LRMDA: variants seen among roughly 807,000 people sequenced by gnomAD.
The protein encoded by LRMDA is leucine rich melanocyte differentiation associated.
A neutral mutation model predicts 29.8 loss-of-function variants in LRMDA; 18 were observed. That is an observed-to-expected ratio of 0.60 (90% CI 0.42 to 0.90). The LOEUF (loss-of-function observed/expected upper bound fraction) is 0.90, where lower values mean the gene tolerates loss of function less well. Among genes scored for constraint, LRMDA ranks in the 40% least tolerant of loss-of-function variants. The pLI is 0.00. For synonymous variants in LRMDA, 125 were observed against 109.4 expected (o/e 1.14, Z -0.89); for missense variants, 273 against 273.9 (o/e 1.00, Z 0.02).
chr10:75,734,358 C>G (rs1355260847), intron 2 of LRMDA, among the ~76,000 whole-genome samples: 3 of 152,066 alleles, frequency 2.0e-5, no homozygotes, highest in African/African-American at 7.2e-5. Flanking sequence ...GTTGTCAACC[C>G]CTGACATCCC....
At chr10:75,814,875 A>G (rs1844031152) in intron 2 of LRMDA, among the ~76,000 whole-genome samples, 1 of 152,178 alleles carries the variant, frequency 6.6e-6, no homozygotes, top group Admixed American at 6.5e-5. Context: ...ATTTTTTTCT[A>G]TTGCAGTTTT....
At chr10:76,258,192 A>G (rs955527381) in intron 5 of LRMDA, among the ~76,000 whole-genome samples, 2 of 152,190 alleles carry the variant, frequency 1.3e-5, no homozygotes, top group South Asian at 4.1e-4. Context: ...TGAATAATCT[A>G]CCACCTACCC....
chr10:76,426,590 G>T (rs943500388), intron 6 of LRMDA, among the ~76,000 whole-genome samples: 1 of 152,204 alleles, frequency 6.6e-6, no homozygotes, highest in Non-Finnish European at 1.5e-5. Flanking sequence ...TTGCTGTGCA[G>T]AAGCTCTTGA....
At chr10:75,717,337 T>G (rs1291986326) in intron 2 of LRMDA, among the ~76,000 whole-genome samples, 1 of 152,210 alleles carries the variant, frequency 6.6e-6, no homozygotes, top group Admixed American at 6.5e-5. Flanking sequence ...CAGCTCCATT[T>G]GCAGAGTCAA....
chr10:75,463,770 C>A (rs529903599), intron 2 of LRMDA, among the ~76,000 whole-genome samples: 1 of 152,076 alleles, frequency 6.6e-6, no homozygotes, highest in Admixed American at 6.5e-5. Context: ...CAGGTTCAAG[C>A]GAATCTCCTG....
chr10:75,798,127 A>G (rs1368455254), intron 2 of LRMDA, among the ~76,000 whole-genome samples: 1 of 152,040 alleles, frequency 6.6e-6, no homozygotes, highest in Non-Finnish European at 1.5e-5. Flanking sequence ...TTCAAAAAAC[A>G]TTCAAATCCT....
chr10:76,277,158 T>TGAAATA (rs1191189996), intron 5 of LRMDA, among the ~76,000 whole-genome samples: 1 of 152,158 alleles, frequency 6.6e-6, no homozygotes, highest in African/African-American at 2.4e-5. Context: ...CCCAGAAATT[T>TGAAATA]GAAATAGAAA....
In LRMDA at chr10:75,578,563, C is replaced by T. The variant is rs539740980; in HGVS notation, c.131+140069C>T. Among the ~76,000 whole-genome samples the T allele has an allele frequency of 2.8e-3, 428 of 152,274 alleles. 6 individuals carry two copies. Among genetic ancestry groups the T allele is most frequent in the African/African-American group, 0.01 (416 of 41,560 alleles). Reference sequence around the variant, plus strand: ...ACTAAGTGGACCTAATAGACATCTGCAGAACTCTCCACCCCAAATCAACAG... The same window carrying T: ...ACTAAGTGGACCTAATAGACATCTGTAGAACTCTCCACCCCAAATCAACAG... On this transcript the variant is annotated intron_variant, in intron 2 of 6. Coordinates refer to ENST00000611255, the MANE Select transcript of LRMDA (RefSeq NM_001305581.2).
chr10:75,606,468 C>T (rs1385197572), intron 2 of LRMDA, among the ~76,000 whole-genome samples: 1 of 152,166 alleles, frequency 6.6e-6, no homozygotes, highest in African/African-American at 2.4e-5. Flanking sequence ...CACTGACTCC[C>T]AGTTTCTAGT....
chr10:76,423,079 C>A (rs1479445691), intron 6 of LRMDA, among the ~76,000 whole-genome samples: 1 of 152,142 alleles, frequency 6.6e-6, no homozygotes, highest in Non-Finnish European at 1.5e-5. Flanking sequence ...CAAAAAACTC[C>A]ACGAAGATGA....
At chr10:75,937,432 T>A (rs1010503393) in intron 2 of LRMDA, among the ~76,000 whole-genome samples, 1 of 152,202 alleles carries the variant, frequency 6.6e-6, no homozygotes, top group Non-Finnish European at 1.5e-5. Flanking sequence ...CACAGGGTTA[T>A]CCCCAAGCCT....
chr10:76,044,834 A>C (rs1589301227), intron 3 of LRMDA, among the ~76,000 whole-genome samples: 2 of 152,326 alleles, frequency 1.3e-5, no homozygotes, highest in South Asian at 2.1e-4. Context: ...AGCAGGGAGG[A>C]TGTTGGTGAA....
intron 6 of LRMDA, among the ~76,000 whole-genome samples, chr10:76,435,631 G>C (rs1300639618): frequency 6.6e-6 from 1 of 152,142 alleles, no homozygotes; most frequent in African/African-American, 2.4e-5. Context: ...TTCTGGGTTG[G>C]GAGAAGTTGA....
intron 2 of LRMDA, among the ~76,000 whole-genome samples, chr10:75,821,601 G>T (rs1183588012): frequency 1.3e-5 from 2 of 151,866 alleles, no homozygotes; most frequent in Non-Finnish European, 2.9e-5. Context: ...AACCCTATCT[G>T]TACTAAAAAT....
At chr10:76,107,380 A>T (rs1406063942) in intron 5 of LRMDA, among the ~76,000 whole-genome samples, 1 of 152,140 alleles carries the variant, frequency 6.6e-6, no homozygotes, top group African/African-American at 2.4e-5. Flanking sequence ...ACATTTCAGA[A>T]CCAGCGGCTT....
chr10:75,875,652 G>A (rs997990472), intron 2 of LRMDA, among the ~76,000 whole-genome samples: 3 of 152,112 alleles, frequency 2.0e-5, no homozygotes, highest in East Asian at 1.9e-4. Flanking sequence ...GGCTGGTCTC[G>A]AACTCCTGAC....
At chr10:76,390,762 T>C (rs1841714298) in intron 6 of LRMDA, among the ~76,000 whole-genome samples, 1 of 152,122 alleles carries the variant, frequency 6.6e-6, no homozygotes, top group Non-Finnish European at 1.5e-5. Context: ...TCCAGCTCAG[T>C]AGCCAGGGTC....
At position 76,519,106 on chromosome 10, in the gene LRMDA, C is replaced by T. The variant is rs969635563; in HGVS notation, c.602-38103C>T. On this transcript the variant is annotated intron_variant, in intron 6 of 6. Coordinates refer to ENST00000611255, the MANE Select transcript of LRMDA (RefSeq NM_001305581.2). ...GGTGGATTGCTGGAGGAAAGGAGTT[C>T]GAGACCAGCCTGGGCAACGTGGTGA... is the stretch of plus-strand genomic sequence containing the variant. 2.6e-5 allele frequency among the ~76,000 whole-genome samples: 4 copies of T among 152,094 alleles called. No individual in the cohort carries two copies. The South Asian group carries it at 8.3e-4, about 32-fold the overall frequency.
rs539272669 is a variant in LRMDA at position 75,462,835 on chromosome 10, G to A, written c.131+24341G>A. Among the ~76,000 whole-genome samples the A allele has an allele frequency of 7.2e-5, 11 of 152,280 alleles. No homozygotes were observed. The East Asian group carries it at 7.7e-4, about 11-fold the overall frequency. On this transcript the variant is annotated intron_variant, in intron 2 of 6. Coordinates refer to ENST00000611255, the MANE Select transcript of LRMDA (RefSeq NM_001305581.2). Reference sequence around the variant, plus strand: ...AAACATTCCAGGTAGGATTCTGGGCGTTGATTTGCATGTGTTTTGAGATAT... The same window carrying A: ...AAACATTCCAGGTAGGATTCTGGGCATTGATTTGCATGTGTTTTGAGATAT...
Sources: gnomAD v4.1 joint callset for allele counts (sites outside exome capture counted in the v4.1 genomes callset) on GRCh38, gnomAD v4.1.1 for gene constraint, MANE v1.5 for transcripts, NCBI Gene and HGNC (gene_info 2026-07-23, HGNC 2026-07-21) for gene names.